Variants in RNF217 observed in about 807,000 individuals in gnomAD.
RNF217 encodes ring finger protein 217.
In RNF217, 31 loss-of-function variants were observed where a neutral mutation model predicts 57.8. The ratio of observed to expected loss-of-function variants is 0.54; its 90% CI spans 0.40 to 0.72. The LOEUF is 0.72. RNF217 is among the 30% of genes least tolerant of loss of function. The probability of loss-of-function intolerance (pLI) is 0.00; values close to 1 mark genes in which losing one functional copy is unlikely to be tolerated. For missense variants in RNF217, 696 were observed against 708.3 expected, an observed-to-expected ratio of 0.98 and a Z score of 0.20; for synonymous variants, 313 against 294.0, an observed-to-expected ratio of 1.06 and a Z score of -0.66.
intron 1 of RNF217, among the ~76,000 whole-genome samples, chr6:125,021,822 T>C (rs1221997332): frequency 1.3e-5 from 2 of 152,112 alleles, no homozygotes; most frequent in Non-Finnish European, 2.9e-5. Context: ...AGATCAGACA[T>C]TGTGCTCTTC....
intron 1 of RNF217, among the ~76,000 whole-genome samples, chr6:124,993,590 C>G (rs1784640190): frequency 6.6e-6 from 1 of 152,050 alleles, no homozygotes; most frequent in African/African-American, 2.4e-5. Flanking sequence ...GTTTTTAAGT[C>G]AGGGAATTGT....
intron 1 of RNF217, among the ~76,000 whole-genome samples, chr6:124,997,735 A>G (rs534299492): frequency 1.9e-4 from 29 of 152,292 alleles, no homozygotes; most frequent in African/African-American, 7.0e-4. Context: ...CGCTCTCTCT[A>G]CAGCCCTGAA....
chr6:124,995,863 A>T (rs932963250), intron 1 of RNF217, among the ~76,000 whole-genome samples: 1 of 152,180 alleles, frequency 6.6e-6, no homozygotes. Context: ...TGGAGGTTGC[A>T]GTGAGCCGAG....
chr6:125,063,413 A>G (rs1009599552), intron 3 of RNF217, among the ~76,000 whole-genome samples: 2 of 152,178 alleles, frequency 1.3e-5, no homozygotes. Flanking sequence ...GAAAGATCAA[A>G]TGTGCATAGT....
chr6:125,069,598 T>TAGTG (rs762240062), intron 3 of RNF217, among the ~76,000 whole-genome samples: 3 of 152,220 alleles, frequency 2.0e-5, no homozygotes, highest in African/African-American at 4.8e-5. Flanking sequence ...CTATTGTGAA[T>TAGTG]AGTGCTGCAA....
intron 1 of RNF217, among the ~76,000 whole-genome samples, chr6:124,994,222 C>A (rs1004627171): frequency 6.6e-6 from 1 of 151,980 alleles, no homozygotes; most frequent in African/African-American, 2.4e-5. Flanking sequence ...TAGTCTAACC[C>A]CATGTGCCTG....
intron 1 of RNF217, among the ~76,000 whole-genome samples, chr6:125,011,534 T>A (rs1785414643): frequency 6.6e-6 from 1 of 152,178 alleles, no homozygotes; most frequent in Admixed American, 6.6e-5. Flanking sequence ...CTATTATTTT[T>A]GCCTTGTTAA....
chr6:125,018,584 GA>G (rs1199382370), intron 1 of RNF217, among the ~76,000 whole-genome samples: 1 of 151,436 alleles, frequency 6.6e-6, no homozygotes, highest in East Asian at 1.9e-4. Context: ...TATTTTTAGG[GA>G]AAAAAAAGGA....
chr6:124,994,990 T>C (rs1299804952), intron 1 of RNF217, among the ~76,000 whole-genome samples: 1 of 152,202 alleles, frequency 6.6e-6, no homozygotes, highest in Non-Finnish European at 1.5e-5. Context: ...AAAAATGGGA[T>C]GTTACGTATC....
intron 1 of RNF217, among the ~76,000 whole-genome samples, chr6:124,983,868 T>G (rs1051739366): frequency 6.6e-6 from 1 of 152,206 alleles, no homozygotes; most frequent in Non-Finnish European, 1.5e-5. Flanking sequence ...TTGCTCACAA[T>G]TCTGTAAGCT....
chr6:125,087,686 A>G lies in RNF217; in HGVS notation c.*4749A>G, dbSNP rs1264832391. On this transcript the variant is annotated 3_prime_UTR_variant, in exon 6 of 6. Transcript: ENST00000521654. ...ATCAGAAGCTAAAGATTTAAAACAA[A>G]TAAAACATACCTGAAGAAAAGTAGC... is the stretch of plus-strand genomic sequence containing the variant. 1.3e-5 allele frequency: 2 copies of G among 152,162 alleles called. No individual in the cohort carries two copies. Among genetic ancestry groups the G allele is most frequent in the African/African-American group, 4.8e-5 (2 of 41,458 alleles). 9.4% of individuals were successfully genotyped at this position (152,162 alleles called of 1,614,324 possible). A position where few individuals can be genotyped will look rare whatever the true frequency, so the allele number is the denominator to read the frequency against.
intron 1 of RNF217, among the ~76,000 whole-genome samples, chr6:124,976,335 C>A (rs1783962201): frequency 7.1e-6 from 1 of 140,498 alleles, no homozygotes; most frequent in African/African-American, 2.6e-5. Context: ...GTGGTGTAAT[C>A]TTGGCTCACT....
In RNF217 at chr6:124,962,490, C is replaced by G; in HGVS notation, c.-55C>G. On this transcript the variant is annotated 5_prime_UTR_variant, in exon 1 of 6. Coordinates refer to ENST00000521654, the MANE Select transcript of RNF217 (RefSeq NM_001286398.3). The surrounding 1 kb of genome is among the most constrained non-coding windows in gnomAD (Gnocchi z 4.6). ...CACTGCCCCCGCTGCCCGCGGGCGC[C>G]GGGTGGGGGTCCCGGCGGCTGGATG... 2.2e-6 allele frequency: 2 copies of G among 913,410 alleles called. No individual in the cohort carries two copies. The highest frequency in any genetic ancestry group is 1.0e-4 in the South Asian group (2 of 19,114). The allele number at this position is 913,410 out of a possible 1,614,324, so 56.6% of individuals were successfully genotyped here.
intron 1 of RNF217, among the ~76,000 whole-genome samples, chr6:124,970,106 C>T (rs976301983): frequency 3.3e-5 from 5 of 152,032 alleles, no homozygotes; most frequent in South Asian, 2.1e-4. Context: ...GAAAGCTGGT[C>T]GGGCAGGGAT....
chr6:124,962,625 C>G lies in RNF217; in HGVS notation c.81C>G (p.His27Gln), dbSNP rs921239515. 3 of 1,322,450 alleles carry G rather than the reference C, an allele frequency of 2.3e-6. No homozygotes were observed. The African/African-American group carries it at 4.7e-5, about 21-fold the overall frequency. The allele number at this position is 1,322,450 out of a possible 1,614,324, so 81.9% of individuals were successfully genotyped here. Residue 27 changes from histidine (H) to glutamine (Q), a missense_variant, in exon 1 of 6, where the codon CAC (histidine) becomes CAG (glutamine). Physicochemically the swap from His to Gln is conservative, Grantham distance 24 (BLOSUM62 0). Coordinates refer to ENST00000521654, the MANE Select transcript of RNF217 (RefSeq NM_001286398.3). The surrounding 1 kb of genome is among the most constrained non-coding windows in gnomAD (Gnocchi z 4.6). ...SQTLASGTAG[H>Q]PEPPRPQGDS... Reference sequence around the variant, plus strand: ...CCCTGGCCAGTGGCACTGCGGGCCACCCTGAGCCCCCGAGGCCTCAGGGGG... The same window carrying G: ...CCCTGGCCAGTGGCACTGCGGGCCAGCCTGAGCCCCCGAGGCCTCAGGGGG...
Position 124,990,296 on chromosome 6 carries a change from T to A in RNF217, c.882+26870T>A, listed in dbSNP as rs551608951. Among the ~76,000 whole-genome samples the A allele has an allele frequency of 8.5e-5, 13 of 152,350 alleles. No individual in the cohort carries two copies. In the East Asian group the frequency reaches 2.5e-3, roughly 29 times the overall value. On this transcript the variant is annotated intron_variant, in intron 1 of 5. Transcript: ENST00000521654. ...CTATGTATGCTCACTACTCTTATTA[T>A]CTTATCCAATTTCTGGTAAGTATTC... is the stretch of plus-strand genomic sequence containing the variant.
intron 2 of RNF217, among the ~76,000 whole-genome samples, chr6:125,047,113 G>A (rs1787125409): frequency 6.6e-6 from 1 of 151,946 alleles, no homozygotes. Context: ...GTTTTAGAAG[G>A]ACTCGTAATT....
rs770149250 is a variant in RNF217, at chr6:125,045,343, A to G, written c.1015A>G (p.Ile339Val). Reference protein sequence around the residue: ...KYKYFLELGRIDSSTKPCPQC... With the variant: ...KYKYFLELGRVDSSTKPCPQC... ...TAAGTACTTCTTGGAACTTGGCCGT[A>G]TTGATTCCAGCACCAAGCCATGTCC... is the stretch of plus-strand genomic sequence containing the variant. The change falls in exon 2 of 6, where the codon ATT becomes GTT. Residue 339 changes from isoleucine to valine, a missense_variant. Transcript: ENST00000521654. The G allele has an allele frequency of 6.8e-6, 11 of 1,613,364 alleles. No individual in the cohort carries two copies. Among genetic ancestry groups the G allele is most frequent in the South Asian group, 1.1e-5 (1 of 91,080 alleles).
intron 1 of RNF217, among the ~76,000 whole-genome samples, chr6:124,979,132 C>T (rs1784069200): frequency 6.6e-6 from 1 of 152,184 alleles, no homozygotes; most frequent in Non-Finnish European, 1.5e-5. Context: ...AGGCTTCAGG[C>T]TGTCTTGGCT....
Sources: allele counts gnomAD v4.1 joint callset (sites outside exome capture counted in the v4.1 genomes callset), GRCh38; gene constraint gnomAD v4.1.1; non-coding constraint Gnocchi (gnomAD v3.1); transcripts MANE v1.5; gene names NCBI Gene and HGNC (gene_info 2026-07-23, HGNC 2026-07-21).